The following LGALS9 variants were observed in gnomAD, a reference collection of about 807,000 sequenced individuals.
LGALS9 encodes the protein galectin 9, also known as galectin-9.
In LGALS9, 26 loss-of-function variants were observed where a neutral mutation model predicts 35.9. The ratio of observed to expected loss-of-function variants is 0.72; its 90% CI spans 0.53 to 1.01. LGALS9 has a LOEUF of 1.01. LGALS9 is among the 50% of genes least tolerant of loss of function. The probability of loss-of-function intolerance (pLI) is 0.00; values close to 1 mark genes in which losing one functional copy is unlikely to be tolerated. For synonymous variants in LGALS9, 149 were observed against 172.2 expected, an observed-to-expected ratio of 0.87 and a Z score of 1.06; for missense variants, 347 against 445.8, an observed-to-expected ratio of 0.78 and a Z score of 1.99.
At chr17:27,643,434 T>C in intron 4 of LGALS9, 91 bp from the exon 5 acceptor site, 6 of 1,577,622 alleles carry the variant, frequency 3.8e-6, no homozygotes, top group African/African-American at 2.7e-5. Context: ...GCCTGCCTGG[T>C]CTCTCCCTCT....
chr17:27,646,564 T>G lies in LGALS9; in HGVS notation c.645T>G (p.Pro215=), dbSNP rs760807509. Residue 215 remains proline (P), a synonymous_variant, in exon 8 of 11, where the codon CCT becomes CCG. Transcript: ENST00000395473. Reference sequence around the variant, plus strand: ...TTCAACAGACTCCCGCCATCCCACCTATGATGTACCCCCACCCCGCCTATG... The same window carrying G: ...TTCAACAGACTCCCGCCATCCCACCGATGATGTACCCCCACCCCGCCTATG... The part of the protein sequence containing the change: ...GQMFSTPAIP[P]MMYPHPAYPM... 2 of 1,612,170 alleles carry G rather than the reference T, an allele frequency of 1.2e-6. No homozygotes were observed. The highest frequency in any genetic ancestry group is 2.2e-5 in the South Asian group (2 of 90,994).
Position 27,647,264 on chromosome 17 carries a change from C to G in LGALS9, c.759-6C>G. 2 of 1,613,780 alleles carry G rather than the reference C, an allele frequency of 1.2e-6. No individual in the cohort carries two copies. The highest frequency in any genetic ancestry group is 1.7e-6 in the Non-Finnish European group (2 of 1,180,028). Reference sequence around the variant, plus strand: ...GATAAAGGTTCAGGTGGGCTGCCCACCCCAGGTTCCACATCAACCTGTGCT... The same window carrying G: ...GATAAAGGTTCAGGTGGGCTGCCCAGCCCAGGTTCCACATCAACCTGTGCT... On this transcript the variant is annotated splice_region_variant and splice_polypyrimidine_tract_variant and intron_variant, in intron 9 of 10. Coordinates refer to ENST00000395473, the MANE Select transcript of LGALS9 (RefSeq NM_009587.3).
Position 27,643,527 on chromosome 17 carries a change from C to T in LGALS9, c.447C>T (p.Asn149=), listed in dbSNP as rs113754744. 51 of 1,611,908 alleles carry T rather than the reference C, an allele frequency of 3.2e-5. No homozygotes were observed. The highest frequency in any genetic ancestry group is 2.7e-4 in the African/African-American group (20 of 74,984). Reference sequence around the variant, plus strand: ...CCCGGTGCCTTTTGTTTTAACAGAACCCCCGCACAGTCCCTGTTCAGCCTG... The same window carrying T: ...CCCGGTGCCTTTTGTTTTAACAGAATCCCCGCACAGTCCCTGTTCAGCCTG... ...SVQLSYISFQ[N]PRTVPVQPAF... Residue 149 remains asparagine (N), a splice_region_variant and synonymous_variant, in exon 5 of 11, where the codon AAC becomes AAT. Coordinates refer to ENST00000395473, the MANE Select transcript of LGALS9 (RefSeq NM_009587.3).
chr17:27,642,000 C>T (rs1233821453), intron 3 of LGALS9, among the ~76,000 whole-genome samples: 1 of 151,982 alleles, frequency 6.6e-6, no homozygotes, highest in Non-Finnish European at 1.5e-5. Context: ...CCCAGGTGAG[C>T]TAAGACTAGA....
At chr17:27,632,900 C>T (rs1457430979) in intron 1 of LGALS9, among the ~76,000 whole-genome samples, 1 of 152,224 alleles carries the variant, frequency 6.6e-6, no homozygotes, top group African/African-American at 2.4e-5. Flanking sequence ...CCTCCACATG[C>T]CGACAGTGGG....
chr17:27,643,342 C>T (rs916962400), intron 4 of LGALS9, among the ~76,000 whole-genome samples, 183 bp from the exon 5 acceptor site: 4 of 152,258 alleles, frequency 2.6e-5, no homozygotes, highest in African/African-American at 7.2e-5. Flanking sequence ...GGAGGGAGAC[C>T]GCACCCCTGC....
At chr17:27,641,651 T>A (rs1904508313) in intron 3 of LGALS9, among the ~76,000 whole-genome samples, 1 of 152,076 alleles carries the variant, frequency 6.6e-6, no homozygotes, top group Non-Finnish European at 1.5e-5. Flanking sequence ...AATCTGCACA[T>A]CCTGTACTTG....
intron 1 of LGALS9, among the ~76,000 whole-genome samples, chr17:27,632,344 C>T (rs980039223): frequency 2.0e-5 from 3 of 152,284 alleles, no homozygotes; most frequent in East Asian, 3.9e-4. Flanking sequence ...AGGCCAGGGT[C>T]GGGCTTGAGT....
intron 3 of LGALS9, among the ~76,000 whole-genome samples, chr17:27,641,604 C>A (rs902581175): frequency 1.3e-5 from 2 of 152,108 alleles, no homozygotes; most frequent in African/African-American, 4.8e-5. Flanking sequence ...TTGATCTCTG[C>A]AGCAAACCAC....
At chr17:27,637,902 C>A (rs2074471831) in intron 1 of LGALS9, among the ~76,000 whole-genome samples, 1 of 152,120 alleles carries the variant, frequency 6.6e-6, no homozygotes, top group Non-Finnish European at 1.5e-5. Context: ...TCCTTAGCAG[C>A]CCAGGGTGTC....
intron 5 of LGALS9, 138 bp downstream of exon 5, chr17:27,643,758 C>A: frequency 7.3e-7 from 1 of 1,361,850 alleles, no homozygotes; most frequent in Non-Finnish European, 9.8e-7. Context: ...CTGTCTCTGT[C>A]CGCTGGGCAC....
At chr17:27,641,666 C>CCAGGG (rs1056977212) in intron 3 of LGALS9, among the ~76,000 whole-genome samples, 15 of 152,246 alleles carry the variant, frequency 9.9e-5, no homozygotes, top group Middle Eastern at 6.8e-3. Context: ...TACTTGCACC[C>CCAGGG]TGGAACTTAA....
intron 2 of LGALS9, among the ~76,000 whole-genome samples, chr17:27,639,357 C>G (rs533440337): frequency 6.6e-6 from 1 of 151,954 alleles, no homozygotes; most frequent in Non-Finnish European, 1.5e-5. Context: ...CCACCTCCCC[C>G]ACCCCCCAGC....
At chr17:27,632,980 A>T (rs2074407403) in intron 1 of LGALS9, among the ~76,000 whole-genome samples, 1 of 150,956 alleles carries the variant, frequency 6.6e-6, no homozygotes, top group African/African-American at 2.4e-5. Flanking sequence ...TGGAAACCTC[A>T]CTCCCACTTC....
rs753232858 is a variant in LGALS9, at chr17:27,640,714, C to A, written c.274C>A (p.Pro92Thr). Residue 92 changes from proline to threonine, a missense_variant, in exon 3 of 11, where the codon CCT becomes ACT. Physicochemically the swap from Pro to Thr is conservative, Grantham distance 38. Coordinates refer to ENST00000395473, the MANE Select transcript of LGALS9 (RefSeq NM_009587.3). ...GCCCGAGGAGAGGAAGACACACATG[C>A]CTTTCCAGAAGGGGATGCCCTTTGA... is the stretch of plus-strand genomic sequence containing the variant. ...WGPEERKTHMPFQKGMPFDLC... is the reference protein window; with the variant it reads ...WGPEERKTHMTFQKGMPFDLC... 1.2e-6 allele frequency: 2 copies of A among 1,614,188 alleles called. No homozygotes were observed. Among genetic ancestry groups the A allele is most frequent in the Non-Finnish European group, 1.7e-6 (2 of 1,180,024 alleles).
rs1347061108 is a variant in LGALS9, at chr17:27,640,501, C to T, written c.132-71C>T. ...CCAGACAAATGCAAAGCACAGGCGC[C>T]GAGGCCCTCCTGTGCCTGTCACTGG... On this transcript the variant is annotated intron_variant, in intron 2 of 10. Coordinates refer to ENST00000395473, the MANE Select transcript of LGALS9 (RefSeq NM_009587.3). The T allele has an allele frequency of 1.8e-5, 29 of 1,600,602 alleles. 1 individual carries two copies. Among genetic ancestry groups the T allele is most frequent in the Admixed American group, 6.7e-5 (4 of 59,946 alleles).
chr17:27,636,833 G>GA (rs903000262), intron 1 of LGALS9, among the ~76,000 whole-genome samples: 14 of 149,500 alleles, frequency 9.4e-5, no homozygotes, highest in African/African-American at 1.5e-4. Flanking sequence ...AAGTTTTATA[G>GA]AAAAAAAAAA....
At chr17:27,643,908 C>G (rs1598186680) in intron 5 of LGALS9, among the ~76,000 whole-genome samples, 1 of 152,130 alleles carries the variant, frequency 6.6e-6, no homozygotes, top group Admixed American at 6.5e-5. Context: ...CGACAGGGGT[C>G]CAGTTCCCCA....
At chr17:27,637,154 T>C (rs368081202) in intron 1 of LGALS9, among the ~76,000 whole-genome samples, 1,904 of 151,554 alleles carry the variant, frequency 0.013, 41 homozygotes, top group African/African-American at 0.042. Flanking sequence ...TAGAACGACA[T>C]TGGATATGAA....
Sources: gnomAD v4.1 joint callset for allele counts (sites outside exome capture counted in the v4.1 genomes callset) on GRCh38, gnomAD v4.1.1 for gene constraint, MANE v1.5 for transcripts, NCBI Gene and HGNC (gene_info 2026-07-23, HGNC 2026-07-21) for gene names.